Variants in PIK3R3 observed in about 807,000 individuals in gnomAD.
PIK3R3 encodes phosphatidylinositol 3-kinase regulatory subunit gamma.
In PIK3R3, 64 loss-of-function variants were observed where a neutral mutation model predicts 62.9. That is an observed-to-expected ratio of 1.02 (90% confidence interval 0.83 to 1.25). The LOEUF (loss-of-function observed/expected upper bound fraction) is 1.25, where lower values mean the gene tolerates loss of function less well. PIK3R3 is among the 50% of genes most tolerant of loss of function. The pLI is 0.00. For synonymous variants in PIK3R3, 165 were observed against 189.0 expected (o/e 0.87, Z 1.04); for missense variants, 614 against 561.6 (o/e 1.09, Z -0.94).
At chr1:46,122,082 T>C (rs1557632558) in intron 1 of PIK3R3, among the ~76,000 whole-genome samples, 1 of 148,178 alleles carries the variant, frequency 6.7e-6, no homozygotes, top group Non-Finnish European at 1.5e-5. Flanking sequence ...ATCTCAAAAA[T>C]AAAATAAAAT....
At chr1:46,116,786 C>G (rs1487037444) in intron 1 of PIK3R3, among the ~76,000 whole-genome samples, 1 of 152,066 alleles carries the variant, frequency 6.6e-6, no homozygotes, top group Non-Finnish European at 1.5e-5. Context: ...AACCCTACAG[C>G]AGGATTAATA....
chr1:46,146,378 T>G, the PIK3R3 span, among the ~76,000 whole-genome samples: 2 of 152,158 alleles, frequency 1.3e-5, no homozygotes, highest in Non-Finnish European at 2.9e-5. Context: ...TCTATACATT[T>G]TACCTCCAAT....
chr1:46,058,850 G>A (rs1047242327), intron 6 of PIK3R3, among the ~76,000 whole-genome samples: 3 of 152,184 alleles, frequency 2.0e-5, no homozygotes, highest in Admixed American at 6.5e-5. Flanking sequence ...AATGAGTTAA[G>A]ACTTTGGGGG....
At chr1:46,151,426 G>A in the PIK3R3 span, among the ~76,000 whole-genome samples, 2 of 152,094 alleles carry the variant, frequency 1.3e-5, no homozygotes, top group East Asian at 1.9e-4. Context: ...CCTGGCAGAG[G>A]CCTCCTCTTT....
At chr1:46,083,737 T>C (rs1362342923) in intron 1 of PIK3R3, among the ~76,000 whole-genome samples, 2 of 152,068 alleles carry the variant, frequency 1.3e-5, no homozygotes, top group African/African-American at 4.8e-5. Flanking sequence ...GAAATACCAC[T>C]TCACACCCAC....
At chr1:46,127,716 C>T (rs933897035) in intron 1 of PIK3R3, among the ~76,000 whole-genome samples, 9 of 152,152 alleles carry the variant, frequency 5.9e-5, no homozygotes, top group African/African-American at 2.2e-4. Context: ...AACATTTCTA[C>T]AATAAAAGTT....
intron 5 of PIK3R3, among the ~76,000 whole-genome samples, chr1:46,065,442 T>C (rs1648900475): frequency 6.6e-6 from 1 of 152,210 alleles, no homozygotes; most frequent in Non-Finnish European, 1.5e-5. Context: ...ATCCATCAGC[T>C]CCTTCTTCCT....
intron 6 of PIK3R3, among the ~76,000 whole-genome samples, chr1:46,060,086 C>A (rs530604983): frequency 1.4e-5 from 2 of 147,808 alleles, no homozygotes; most frequent in East Asian, 2.1e-4. Flanking sequence ...GGCGACAGAG[C>A]GAGACTCCGT....
chr1:46,130,560 A>G (rs1639721386), intron 1 of PIK3R3, among the ~76,000 whole-genome samples: 1 of 142,528 alleles, frequency 7.0e-6, no homozygotes, highest in Admixed American at 6.9e-5. Context: ...AACACTGACT[A>G]ATTGAAAAAA....
At chr1:46,150,596 T>C in the PIK3R3 span, among the ~76,000 whole-genome samples, 3 of 152,180 alleles carry the variant, frequency 2.0e-5, no homozygotes, top group Non-Finnish European at 4.4e-5. Context: ...CTACTCCTGG[T>C]TTGGCCCTTC....
chr1:46,074,314 A>ACAAT (rs1358562151), intron 3 of PIK3R3, among the ~76,000 whole-genome samples: 1 of 100,732 alleles, frequency 9.9e-6, no homozygotes, highest in Admixed American at 1.2e-4. Flanking sequence ...AAAAAAAAAA[A>ACAAT]AAACCAATAA....
intron 5 of PIK3R3, 34 bp from the exon 6 acceptor site, chr1:46,062,105 ATTATCT>A (rs1055943345): frequency 6.4e-7 from 1 of 1,550,914 alleles, no homozygotes; most frequent in African/African-American, 1.4e-5. Flanking sequence ...CACAGGCTTC[ATTATCT>A]TTATTATTTT....
intron 1 of PIK3R3, among the ~76,000 whole-genome samples, chr1:46,130,345 T>G (rs1226936806): frequency 1.3e-5 from 2 of 152,048 alleles, no homozygotes; most frequent in Non-Finnish European, 2.9e-5. Flanking sequence ...TGCTTTACCG[T>G]TAGGGGGAAA....
the PIK3R3 span, among the ~76,000 whole-genome samples, chr1:46,174,250 T>C: frequency 2.6e-5 from 4 of 152,176 alleles, no homozygotes; most frequent in Non-Finnish European, 5.9e-5. Flanking sequence ...TATCTTTATA[T>C]GTATGGCCCC....
intron 1 of PIK3R3, among the ~76,000 whole-genome samples, chr1:46,095,175 G>C (rs1319810084): frequency 6.6e-6 from 1 of 152,104 alleles, no homozygotes; most frequent in Non-Finnish European, 1.5e-5. Flanking sequence ...TAAGATACAT[G>C]CATGTGTATG....
chr1:46,100,874 T>C (rs1484043638), intron 1 of PIK3R3, among the ~76,000 whole-genome samples: 1 of 152,174 alleles, frequency 6.6e-6, no homozygotes, highest in Non-Finnish European at 1.5e-5. Context: ...GTTGCTGCTA[T>C]AATGAGTATC....
At chr1:46,051,913 G>A (rs572488093) in intron 7 of PIK3R3, among the ~76,000 whole-genome samples, 113 of 152,056 alleles carry the variant, frequency 7.4e-4, no homozygotes, top group Non-Finnish European at 1.4e-3. Context: ...CGAGGCAGGC[G>A]GATCACAAGG....
At chr1:46,159,699 C>T in the PIK3R3 span, among the ~76,000 whole-genome samples, 2 of 151,810 alleles carry the variant, frequency 1.3e-5, no homozygotes, top group South Asian at 2.1e-4. Context: ...GTGTTATCCC[C>T]GTCCTGCACC....
At chr1:46,048,353 A>G (rs1034784859) in intron 7 of PIK3R3, 6 of 152,232 alleles carry the variant, frequency 3.9e-5, no homozygotes, top group Non-Finnish European at 7.3e-5. Context: ...AGTCTTTCTC[A>G]GTAAGAATTG....
Sources: gnomAD v4.1 joint callset for allele counts (sites outside exome capture counted in the v4.1 genomes callset) on GRCh38, gnomAD v4.1.1 for gene constraint, MANE v1.5 for transcripts, NCBI Gene and HGNC (gene_info 2026-07-23, HGNC 2026-07-21) for gene names.